The following VPS52 variants were observed in gnomAD, a reference collection of about 807,000 sequenced individuals.
VPS52 encodes the protein vacuolar protein sorting-associated protein 52 homolog.
A neutral mutation model predicts 98.7 loss-of-function variants in VPS52; 56 were observed. The ratio of observed to expected loss-of-function variants is 0.57; its 90% CI spans 0.46 to 0.71. VPS52 has a LOEUF of 0.71. Ranked by LOEUF, VPS52 falls within the 30% of genes least tolerant of loss-of-function variation. The pLI is 0.00. For missense variants in VPS52, 742 were observed against 925.9 expected, an observed-to-expected ratio of 0.80 and a Z score of 2.58; for synonymous variants, 348 against 346.4, an observed-to-expected ratio of 1.00 and a Z score of -0.05.
intron 14 of VPS52, 106 bp downstream of exon 14, chr6:33,264,268 T>A: frequency 6.4e-7 from 1 of 1,570,274 alleles, no homozygotes. Flanking sequence ...CCAGAACACC[T>A]GCTCATAGCG....
At chr6:33,265,222 G>A (rs1268894960) in intron 12 of VPS52, among the ~76,000 whole-genome samples, 2 of 151,966 alleles carry the variant, frequency 1.3e-5, no homozygotes, top group Non-Finnish European at 1.5e-5. Flanking sequence ...AATTATAGGC[G>A]CCTGCCACCA....
Position 33,251,878 on chromosome 6 carries a change from G to A in VPS52, c.1888C>T (p.Arg630Ter), listed in dbSNP as rs745729540. 2 of 1,613,136 alleles carry A rather than the reference G, an allele frequency of 1.2e-6. No homozygotes were observed. Among genetic ancestry groups the A allele is most frequent in the Non-Finnish European group, 8.5e-7 (1 of 1,180,014 alleles). The part of the protein sequence containing the change: ...EALIERGQAE[R>*]LRGEEARVTQ... ...CTCATACCTTCTTCCCCTCGAAGTCGCTCAGCCTGTCCACGCTCAATCAAA... is the reference window on the plus strand; with the variant it reads ...CTCATACCTTCTTCCCCTCGAAGTCACTCAGCCTGTCCACGCTCAATCAAA... The change falls in exon 18 of 20, where the codon CGA becomes TGA. Residue 630 changes from arginine to a stop codon, truncating the protein, a stop_gained. Coordinates refer to ENST00000445902, the MANE Select transcript of VPS52 (RefSeq NM_022553.6). LOFTEE classifies it high-confidence loss of function.
At chr6:33,261,434 T>C (rs1763623881) in intron 17 of VPS52, among the ~76,000 whole-genome samples, 1 of 149,584 alleles carries the variant, frequency 6.7e-6, no homozygotes, top group South Asian at 2.1e-4. Context: ...ACCACTGCAC[T>C]CCAGCCTAGG....
intron 12 of VPS52, among the ~76,000 whole-genome samples, chr6:33,266,198 T>C (rs1251169386): frequency 6.8e-6 from 1 of 147,556 alleles, no homozygotes; most frequent in Admixed American, 6.9e-5. Flanking sequence ...GGTCTCACTC[T>C]GGAGTGCATG....
At chr6:33,256,042 A>G (rs1762904844) in intron 17 of VPS52, among the ~76,000 whole-genome samples, 1 of 152,186 alleles carries the variant, frequency 6.6e-6, no homozygotes, top group South Asian at 2.1e-4. Flanking sequence ...AGAATAAGAA[A>G]TCAAAAACAT....
At chr6:33,251,427 G>A (rs1046417360) in intron 19 of VPS52, 91 bp downstream of exon 19, 12 of 843,012 alleles carry the variant, frequency 1.4e-5, no homozygotes, top group African/African-American at 1.2e-4. Flanking sequence ...TGAAGACCAA[G>A]GGTCACTTAG....
In VPS52 at chr6:33,267,289, T is replaced by G; in HGVS notation, c.1024A>C (p.Asn342His). The G allele has an allele frequency of 8.1e-6, 13 of 1,601,882 alleles. No homozygotes were observed. The highest frequency in any genetic ancestry group is 1.1e-5 in the Non-Finnish European group (13 of 1,174,876). Residue 342 changes from asparagine (N) to histidine (H), a missense_variant, in exon 11 of 20, where the codon AAC (asparagine) becomes CAC (histidine). Coordinates refer to ENST00000445902, the MANE Select transcript of VPS52 (RefSeq NM_022553.6). This position sits in a 1 kb window ranked among gnomAD's most constrained non-coding sequence, Gnocchi z 4.2. Reference sequence around the variant, plus strand: ...CGGGTTCCTAGGGTGAAAATGGTGTTCCTGCTGCGGAGCGATGGCTTTGAG... The same window carrying G: ...CGGGTTCCTAGGGTGAAAATGGTGTGCCTGCTGCGGAGCGATGGCTTTGAG... Reference protein sequence around the residue: ...FFSKPSLRSRNTIFTLGTRGS... With the variant: ...FFSKPSLRSRHTIFTLGTRGS...
intron 17 of VPS52, among the ~76,000 whole-genome samples, chr6:33,263,274 A>C (rs1177648191): frequency 1.3e-5 from 2 of 148,498 alleles, no homozygotes; most frequent in African/African-American, 4.9e-5. Flanking sequence ...AAAAAAAAAA[A>C]AAAAAAAAAA....
Position 33,271,626 on chromosome 6 carries a change from C to A in VPS52, c.50G>T (p.Arg17Leu). Residue 17 changes from arginine (R) to leucine (L), a missense_variant, in exon 1 of 20, where the codon CGG (arginine) becomes CTG (leucine). Physicochemically the swap from Arg to Leu is moderately radical, Grantham distance 102. Around this residue, in one of 2 missense-constraint regions of VPS52, gnomAD observed 152 missense variants for 132.6 expected, o/e 1.15. Transcript: ENST00000445902. ...CTCCTCCATATCTGAGGTCCCAGCC[C>A]GCAACACCAGTTCCCGGGCCGCAGC... ...MAAAARELVL[R>L]AGTSDMEEEE... 2 of 1,612,054 alleles carry A rather than the reference C, an allele frequency of 1.2e-6. No homozygotes were observed. Among genetic ancestry groups the A allele is most frequent in the Non-Finnish European group, 8.5e-7 (1 of 1,179,160 alleles).
Position 33,268,719 on chromosome 6 carries a change from C to T in VPS52, c.549-70G>A, listed in dbSNP as rs912885201. ...ACATCCCTAAACCAGACCCAGACCA[C>T]ACTCCTTACCTCCAGCCCCTGTCAT... On this transcript the variant is annotated intron_variant, in intron 6 of 19. Transcript: ENST00000445902. The surrounding 1 kb of genome is among the most constrained non-coding windows in gnomAD (Gnocchi z 4.0). 4.0e-6 allele frequency: 6 copies of T among 1,497,582 alleles called. No homozygotes were observed. The African/African-American group carries it at 5.6e-5, about 14-fold the overall frequency. The allele number at this position is 1,497,582 out of a possible 1,614,324, so 92.8% of individuals were successfully genotyped here.
At chr6:33,265,687 A>G (rs1322711131) in intron 12 of VPS52, among the ~76,000 whole-genome samples, 1 of 150,692 alleles carries the variant, frequency 6.6e-6, no homozygotes, top group Non-Finnish European at 1.5e-5. Flanking sequence ...AGGATCTATG[A>G]TCACAAGCCT....
rs1287531580 is a variant in VPS52 at position 33,264,116 on chromosome 6, G to A, written c.1525-13C>T. On this transcript the variant is annotated splice_polypyrimidine_tract_variant and intron_variant, in intron 14 of 19. Transcript: ENST00000445902. ...AGCGGCGTGTGATCTAGGAGAGAGT[G>A]GGAAGGAAAATCACACCCACCTCCT... 1.9e-6 allele frequency: 3 copies of A among 1,613,012 alleles called. No homozygotes were observed. The highest frequency in any genetic ancestry group is 1.3e-5 in the African/African-American group (1 of 74,858).
intron 3 of VPS52, 71 bp from the exon 4 acceptor site, chr6:33,269,890 G>A: frequency 1.3e-6 from 2 of 1,592,764 alleles, no homozygotes; most frequent in Non-Finnish European, 1.7e-6. Context: ...AATCAGTGAA[G>A]GACTAAAGGG....
At chr6:33,255,462 CT>C (rs9280383) in intron 17 of VPS52, among the ~76,000 whole-genome samples, 2,760 of 116,922 alleles carry the variant, frequency 0.024, 64 homozygotes, top group African/African-American at 0.062. Context: ...CTACGCCTGG[CT>C]TTTTTTTTTT....
At position 33,271,720 on chromosome 6, in the gene VPS52, G is replaced by A. The variant is rs1406230188; in HGVS notation, c.-45C>T. 2 of 1,564,862 alleles carry A rather than the reference G, an allele frequency of 1.3e-6. No individual in the cohort carries two copies. Among genetic ancestry groups the A allele is most frequent in the South Asian group, 1.2e-5 (1 of 84,956 alleles). On this transcript the variant is annotated 5_prime_UTR_variant, in exon 1 of 20. In the 5' UTR this introduces an upstream ATG that the reference lacks. Coordinates refer to ENST00000445902, the MANE Select transcript of VPS52 (RefSeq NM_022553.6). ...GGCAACTGTCAGTCCCGGCGAGTCC[G>A]TTCCCCGGAGTGGAGCTACAAGTCC...
intron 17 of VPS52, among the ~76,000 whole-genome samples, chr6:33,261,282 C>T (rs1402921978): frequency 6.6e-6 from 1 of 151,848 alleles, no homozygotes. Context: ...GCCTGGCTAA[C>T]ATGGTGAAAT....
chr6:33,269,057 C>G lies in VPS52; in HGVS notation c.505G>C (p.Gly169Arg). 6.2e-7 allele frequency: 1 copy of G among 1,612,806 alleles called. No homozygotes were observed. Among genetic ancestry groups the G allele is most frequent in the Non-Finnish European group, 8.5e-7 (1 of 1,179,912 alleles). Residue 169 changes from glycine (G) to arginine (R), a missense_variant, in exon 6 of 20, where the codon GGG (glycine) becomes CGG (arginine). Physicochemically the swap from Gly to Arg is moderately radical, Grantham distance 125. Around this residue, in one of 2 missense-constraint regions of VPS52, gnomAD observed 590 missense variants for 793.3 expected, o/e 0.74. Coordinates refer to ENST00000445902, the MANE Select transcript of VPS52 (RefSeq NM_022553.6). ...RNRQAVRGKL[G>R]ELVDGLVVPS... is the part of the protein sequence containing the mutation. ...ACCACCAGACCATCAACAAGCTCCC[C>G]AAGTTTCCCCCGAACTGCCTGGCGA...
Position 33,267,906 on chromosome 6 carries a change from A to G in VPS52, c.892T>C (p.Ser298Pro). Residue 298 changes from serine to proline, a missense_variant, in exon 9 of 20, where the codon TCT (serine) becomes CCT (proline). By Grantham distance (74) the Ser-to-Pro change is moderately conservative. Around this residue, in one of 2 missense-constraint regions of VPS52, gnomAD observed 590 missense variants for 793.3 expected, o/e 0.74. Transcript: ENST00000445902. The surrounding 1 kb of genome is among the most constrained non-coding windows in gnomAD (Gnocchi z 4.2). ...YVETLSKIYL[S>P]YYRSYLGRLM... is the part of the protein sequence containing the mutation. ...CGCCCCAGGTAAGAGCGGTAGTAAG[A>G]CAGGTAAATCTTGCTCAGCGTCTCC... 6.2e-6 allele frequency: 10 copies of G among 1,613,076 alleles called. No individual in the cohort carries two copies. Among genetic ancestry groups the G allele is most frequent in the Non-Finnish European group, 7.6e-6 (9 of 1,180,028 alleles).
chr6:33,268,934 ACCCAT>A lies in VPS52; in HGVS notation c.548+75_548+79del, dbSNP rs992517825. 10 of 1,532,466 alleles carry A rather than the reference ACCCAT, an allele frequency of 6.5e-6. No individual in the cohort carries two copies. In the African/African-American group the frequency reaches 1.1e-4, roughly 17 times the overall value. 94.9% of individuals were successfully genotyped at this position (1,532,466 alleles called of 1,614,324 possible). On this transcript the variant is annotated intron_variant, in intron 6 of 19. Coordinates refer to ENST00000445902, the MANE Select transcript of VPS52 (RefSeq NM_022553.6). This position sits in a 1 kb window ranked among gnomAD's most constrained non-coding sequence, Gnocchi z 4.0. ...AAAGCACTTAACCTGGAGCCAGGAG[ACCCAT>A]ATGGTAAATAGGGTGGGTCACCCCA...
Sources: allele counts gnomAD v4.1 joint callset (sites outside exome capture counted in the v4.1 genomes callset), GRCh38; gene constraint gnomAD v4.1.1; regional missense constraint gnomAD v4.1.1; non-coding constraint Gnocchi (gnomAD v3.1); transcripts MANE v1.5; gene names NCBI Gene and HGNC (gene_info 2026-07-23, HGNC 2026-07-21).